The following FTO variants were observed in gnomAD, a reference collection of about 807,000 sequenced individuals.
FTO encodes FTO alpha-ketoglutarate dependent dioxygenase.
In FTO, 47 loss-of-function variants were observed where a neutral mutation model predicts 63.9. The observed-to-expected ratio is 0.74, with a 90% confidence interval of 0.58 to 0.94. FTO has a LOEUF of 0.94. Among genes scored for constraint, FTO ranks in the 40% least tolerant of loss-of-function variants. The pLI is 0.00. For missense variants in FTO, 562 were observed against 618.1 expected (o/e 0.91, Z 0.96); for synonymous variants, 207 against 224.4 (o/e 0.92, Z 0.69).
chr16:54,021,299 G>A lies in FTO; in HGVS notation c.1364+87190G>A, dbSNP rs553192386. On this transcript the variant is annotated intron_variant, in intron 8 of 8. Transcript: ENST00000471389. ...TCTTCATGCAACATAATTTCCCCCTGCAGTAATCCATGGATCAACACATTT... is the reference window on the plus strand; with the variant it reads ...TCTTCATGCAACATAATTTCCCCCTACAGTAATCCATGGATCAACACATTT... 5.9e-5 allele frequency among the ~76,000 whole-genome samples: 9 copies of A among 152,250 alleles called. No individual in the cohort carries two copies. The East Asian group carries it at 1.2e-3, about 20-fold the overall frequency.
chr16:53,746,566 A>AT (rs1300343592), intron 1 of FTO, among the ~76,000 whole-genome samples: 5 of 152,086 alleles, frequency 3.3e-5, no homozygotes, highest in Non-Finnish European at 5.9e-5. Context: ...TTTTTAAATC[A>AT]TTTTTTATTG....
In FTO at chr16:53,826,051, G is replaced by A; in HGVS notation, c.311G>A (p.Cys104Tyr). 1.9e-6 allele frequency: 3 copies of A among 1,614,116 alleles called. No individual in the cohort carries two copies. Among genetic ancestry groups the A allele is most frequent in the East Asian group, 4.5e-5 (2 of 44,874 alleles). Residue 104 changes from cysteine (C) to tyrosine (Y), a missense_variant, in exon 3 of 9, where the codon TGC becomes TAC. Cys to Tyr is a radical substitution (Grantham distance 194). Transcript: ENST00000471389. Reference sequence around the variant, plus strand: ...CGCATCCTCATTGGTAATCCAGGCTGCACCTACAAGTACCTGAACACCAGG... The same window carrying A: ...CGCATCCTCATTGGTAATCCAGGCTACACCTACAAGTACCTGAACACCAGG... ...VSRILIGNPG[C>Y]TYKYLNTRLF... is the part of the protein sequence containing the mutation.
chr16:54,094,058 G>C (rs1488415222), intron 8 of FTO, among the ~76,000 whole-genome samples: 1 of 152,088 alleles, frequency 6.6e-6, no homozygotes, highest in Admixed American at 6.5e-5. Context: ...ATCACCCCCA[G>C]ACAGTGAAGG....
chr16:53,795,192 T>G (rs1311351996), intron 1 of FTO, among the ~76,000 whole-genome samples: 1 of 152,114 alleles, frequency 6.6e-6, no homozygotes, highest in Non-Finnish European at 1.5e-5. Flanking sequence ...ATAGAGGGGA[T>G]GGACTTTAGA....
chr16:54,117,782 T>G lies in FTO; in HGVS notation c.*5867T>G, dbSNP rs1430006573. 6.6e-6 allele frequency: 1 copy of G among 152,244 alleles called. No homozygotes were observed. Among genetic ancestry groups the G allele is most frequent in the Non-Finnish European group, 1.5e-5 (1 of 68,048 alleles). The allele number at this position is 152,244 out of a possible 1,614,324, so 9.4% of individuals were successfully genotyped here. ...GATTTGCTTAAAAAAATTCTTGCCA[T>G]CACCTTCTAATGGATGATCTGTGTA... On this transcript the variant is annotated 3_prime_UTR_variant, in exon 9 of 9. Coordinates refer to ENST00000471389, the MANE Select transcript of FTO (RefSeq NM_001080432.3).
At chr16:53,919,123 A>C (rs1402802577) in intron 7 of FTO, among the ~76,000 whole-genome samples, 4 of 152,194 alleles carry the variant, frequency 2.6e-5, no homozygotes, top group African/African-American at 9.7e-5. Context: ...TAATGATATA[A>C]AATTTGACAA....
intron 8 of FTO, among the ~76,000 whole-genome samples, chr16:53,982,953 C>G (rs1165731135): frequency 6.6e-6 from 1 of 152,098 alleles, no homozygotes; most frequent in Non-Finnish European, 1.5e-5. Context: ...TGCTTCAAAA[C>G]AGGGTCAGAG....
chr16:53,737,136 C>A (rs771237419), intron 1 of FTO, among the ~76,000 whole-genome samples: 1 of 152,072 alleles, frequency 6.6e-6, no homozygotes, highest in Non-Finnish European at 1.5e-5. Flanking sequence ...TAACAGAGGG[C>A]CTATCATAAT....
chr16:53,993,348 G>A (rs529418517), intron 8 of FTO: 1 of 152,306 alleles, frequency 6.6e-6, no homozygotes, highest in Admixed American at 6.5e-5. Flanking sequence ...TTTAGCCTCT[G>A]TAGCTGTTTT....
At chr16:54,033,683 G>T (rs571986181) in intron 8 of FTO, among the ~76,000 whole-genome samples, 3 of 152,140 alleles carry the variant, frequency 2.0e-5, no homozygotes, top group South Asian at 4.2e-4. Flanking sequence ...AGGGTGTGGT[G>T]GTTCATGCCT....
chr16:53,978,652 C>G (rs2083477158), intron 8 of FTO, among the ~76,000 whole-genome samples: 1 of 152,086 alleles, frequency 6.6e-6, no homozygotes, highest in South Asian at 2.1e-4. Flanking sequence ...TTAATAAAGG[C>G]TCATTGTAGA....
chr16:53,907,569 G>A (rs2081571005), intron 7 of FTO, among the ~76,000 whole-genome samples: 1 of 152,146 alleles, frequency 6.6e-6, no homozygotes, highest in Admixed American at 6.5e-5. Context: ...AAAATTGTAA[G>A]TCAGACAAAC....
chr16:53,794,907 A>C (rs1026488862), intron 1 of FTO, among the ~76,000 whole-genome samples: 7 of 152,166 alleles, frequency 4.6e-5, no homozygotes, highest in Non-Finnish European at 8.8e-5. Context: ...AAAATACTGG[A>C]AGAAAATAAA....
intron 1 of FTO, among the ~76,000 whole-genome samples, chr16:53,766,014 T>C (rs2077192824): frequency 6.6e-6 from 1 of 151,866 alleles, no homozygotes; most frequent in African/African-American, 2.4e-5. Flanking sequence ...AAGGCCAGAG[T>C]AGAATTAGGG....
intron 8 of FTO, among the ~76,000 whole-genome samples, chr16:53,975,679 G>C (rs1477317868): frequency 6.9e-6 from 1 of 145,924 alleles, no homozygotes; most frequent in African/African-American, 2.5e-5. Flanking sequence ...AAAAAAAAAA[G>C]ACATGTAATT....
chr16:54,073,564 G>A (rs1435110908), intron 8 of FTO, among the ~76,000 whole-genome samples: 1 of 151,232 alleles, frequency 6.6e-6, no homozygotes, highest in Non-Finnish European at 1.5e-5. Context: ...TTTGGGATTA[G>A]GAAAGCTAGT....
At chr16:54,061,915 A>G (rs1456325372) in intron 8 of FTO, among the ~76,000 whole-genome samples, 1 of 152,204 alleles carries the variant, frequency 6.6e-6, no homozygotes, top group Non-Finnish European at 1.5e-5. Context: ...GTCTAGGGCT[A>G]GAATGCCTTA....
intron 8 of FTO, among the ~76,000 whole-genome samples, chr16:54,098,952 A>G (rs2086574849): frequency 6.6e-6 from 1 of 152,228 alleles, no homozygotes; most frequent in Admixed American, 6.5e-5. Context: ...TTCTAATCAG[A>G]AGTTATTCTG....
chr16:53,784,136 C>G (rs2077669542), intron 1 of FTO, among the ~76,000 whole-genome samples: 1 of 152,202 alleles, frequency 6.6e-6, no homozygotes, highest in South Asian at 2.1e-4. Context: ...AAAACCTGGA[C>G]TTGATATTCT....
Sources: gnomAD v4.1 joint callset for allele counts (sites outside exome capture counted in the v4.1 genomes callset) on GRCh38, gnomAD v4.1.1 for gene constraint, MANE v1.5 for transcripts, NCBI Gene and HGNC (gene_info 2026-07-23, HGNC 2026-07-21) for gene names.